The following PRKCA variants were observed in gnomAD, a reference collection of about 807,000 sequenced individuals.
PRKCA encodes protein kinase C alpha.
In PRKCA, 27 loss-of-function variants were observed where a neutral mutation model predicts 87.0. The ratio of observed to expected loss-of-function variants is 0.31; its 90% CI spans 0.23 to 0.43. The LOEUF (loss-of-function observed/expected upper bound fraction) is 0.43, where lower values mean the gene tolerates loss of function less well. PRKCA is among the 20% of genes least tolerant of loss of function. The pLI, the probability that PRKCA is intolerant of heterozygous loss-of-function variation, is 1.00. For synonymous variants in PRKCA, 329 were observed against 311.1 expected (o/e 1.06, Z -0.61); for missense variants, 518 against 852.3 (o/e 0.61, Z 4.88).
chr17:66,577,168 C>T (rs1969264855), intron 3 of PRKCA, among the ~76,000 whole-genome samples: 1 of 152,230 alleles, frequency 6.6e-6, no homozygotes, highest in Middle Eastern at 3.4e-3. Context: ...CCGTGCCTGG[C>T]CCTGTGATGC....
chr17:66,364,736 C>T (rs537085277), intron 2 of PRKCA, among the ~76,000 whole-genome samples: 1 of 152,216 alleles, frequency 6.6e-6, no homozygotes, highest in South Asian at 2.1e-4. Flanking sequence ...TGACGGGGCT[C>T]CCTCAGGCAC....
At chr17:66,335,667 G>A (rs1906617677) in intron 2 of PRKCA, among the ~76,000 whole-genome samples, 2 of 151,670 alleles carry the variant, frequency 1.3e-5, no homozygotes, top group African/African-American at 4.8e-5. Context: ...AGTATATTGC[G>A]ATCATTTCCC....
intron 2 of PRKCA, among the ~76,000 whole-genome samples, chr17:66,392,836 C>G (rs1910442405): frequency 6.6e-6 from 1 of 152,106 alleles, no homozygotes; most frequent in African/African-American, 2.4e-5. Context: ...CTTTTTCTAC[C>G]ATATAATGGA....
intron 2 of PRKCA, among the ~76,000 whole-genome samples, chr17:66,333,578 G>C (rs1906479865): frequency 6.6e-6 from 1 of 152,122 alleles, no homozygotes; most frequent in African/African-American, 2.4e-5. Flanking sequence ...TTCAAGTTCT[G>C]TCAGGGGAGA....
At chr17:66,663,238 G>A (rs1047256607) in intron 5 of PRKCA, among the ~76,000 whole-genome samples, 1 of 152,224 alleles carries the variant, frequency 6.6e-6, no homozygotes, top group Non-Finnish European at 1.5e-5. Flanking sequence ...AAAGGTGCTA[G>A]AAAGAAGGTT....
At chr17:66,663,766 G>A (rs1418156961) in intron 5 of PRKCA, among the ~76,000 whole-genome samples, 4 of 152,082 alleles carry the variant, frequency 2.6e-5, no homozygotes, top group Admixed American at 6.5e-5. Context: ...CACCTTCCCC[G>A]GCCCTCCCTT....
chr17:66,645,264 T>TA, intron 4 of PRKCA, 119 bp from the exon 5 acceptor site: 1 of 1,383,082 alleles, frequency 7.2e-7, no homozygotes. Flanking sequence ...CCAAAAACAT[T>TA]ATAGCAAAGT....
intron 8 of PRKCA, among the ~76,000 whole-genome samples, chr17:66,699,644 G>A (rs564954243): frequency 6.6e-4 from 101 of 152,318 alleles, no homozygotes; most frequent in African/African-American, 2.1e-3. Context: ...CTAGAGTGCT[G>A]TAGCACAATC....
chr17:66,317,591 A>G (rs1301825668), intron 2 of PRKCA, among the ~76,000 whole-genome samples: 1 of 152,164 alleles, frequency 6.6e-6, no homozygotes, highest in Admixed American at 6.5e-5. Flanking sequence ...CTGTACAGAT[A>G]AGTAGCCAAT....
chr17:66,603,457 G>T (rs1398595013), intron 3 of PRKCA, among the ~76,000 whole-genome samples: 1 of 152,146 alleles, frequency 6.6e-6, no homozygotes, highest in Non-Finnish European at 1.5e-5. Flanking sequence ...ACAAACGTTT[G>T]TCTAAATAGA....
chr17:66,784,504 C>G (rs963608251), intron 14 of PRKCA, among the ~76,000 whole-genome samples: 1 of 152,014 alleles, frequency 6.6e-6, no homozygotes, highest in African/African-American at 2.4e-5. Flanking sequence ...ACGTTGGCCT[C>G]CCAAAGTGCT....
At chr17:66,421,363 T>A (rs1051206880) in intron 2 of PRKCA, among the ~76,000 whole-genome samples, 6 of 152,084 alleles carry the variant, frequency 3.9e-5, no homozygotes, top group Non-Finnish European at 7.4e-5. Flanking sequence ...CAGTCCCTTT[T>A]CCCTTTGACC....
chr17:66,446,219 A>T (rs1012329137), intron 2 of PRKCA, among the ~76,000 whole-genome samples: 2 of 148,578 alleles, frequency 1.3e-5, no homozygotes, highest in Non-Finnish European at 1.5e-5. Context: ...AGTTTTATGA[A>T]ATGATAGACT....
intron 3 of PRKCA, among the ~76,000 whole-genome samples, chr17:66,539,905 A>G (rs1055227526): frequency 1.3e-5 from 2 of 152,260 alleles, no homozygotes; most frequent in Non-Finnish European, 2.9e-5. Flanking sequence ...AGTGAAAAGC[A>G]TAAAACAGTT....
chr17:66,399,013 G>T (rs1281791447), intron 2 of PRKCA, among the ~76,000 whole-genome samples: 4 of 151,852 alleles, frequency 2.6e-5, no homozygotes, highest in African/African-American at 9.7e-5. Flanking sequence ...AAATATATGG[G>T]CAGTTTGGCT....
chr17:66,319,156 A>G (rs1905499634), intron 2 of PRKCA, among the ~76,000 whole-genome samples: 1 of 152,004 alleles, frequency 6.6e-6, no homozygotes, highest in Admixed American at 6.6e-5. Context: ...AAAGGCTTGC[A>G]ATGGTGGTCT....
rs901474078 is a variant in PRKCA at position 66,633,980 on chromosome 17, C to T, written c.289-7375C>T. On this transcript the variant is annotated intron_variant, in intron 3 of 16. Coordinates refer to ENST00000413366, the MANE Select transcript of PRKCA (RefSeq NM_002737.3). The stretch of plus-strand genomic sequence containing the variant: ...GAATGCATCTAGGAAATGTGATGCC[C>T]GGTCAGCATCCGAATTCTGCACAGT... Among the ~76,000 whole-genome samples, 7 of 152,216 alleles carry T rather than the reference C, an allele frequency of 4.6e-5. No homozygotes were observed. The East Asian group carries it at 1.2e-3, about 25-fold the overall frequency.
intron 2 of PRKCA, among the ~76,000 whole-genome samples, chr17:66,438,028 T>G (rs942233253): frequency 3.8e-4 from 58 of 151,766 alleles, no homozygotes; most frequent in African/African-American, 1.3e-3. Context: ...GGGGTGGGTG[T>G]GTGTGGAAAA....
intron 2 of PRKCA, among the ~76,000 whole-genome samples, chr17:66,440,884 C>G (rs768748657): frequency 6.6e-6 from 1 of 151,816 alleles, no homozygotes; most frequent in African/African-American, 2.4e-5. Flanking sequence ...TAGTCAGGGC[C>G]GGGTATGGTG....
Sources: allele counts gnomAD v4.1 joint callset (sites outside exome capture counted in the v4.1 genomes callset), GRCh38; gene constraint gnomAD v4.1.1; transcripts MANE v1.5; gene names NCBI Gene and HGNC (gene_info 2026-07-23, HGNC 2026-07-21).